Variants in FAM83B observed in about 807,000 individuals in gnomAD.
FAM83B encodes protein FAM83B.
Under a neutral mutation model 38.8 loss-of-function variants are expected in FAM83B, and 26 were observed. The ratio of observed to expected loss-of-function variants is 0.67; its 90% CI spans 0.49 to 0.93. The LOEUF (loss-of-function observed/expected upper bound fraction) is 0.93, where lower values mean the gene tolerates loss of function less well. Ranked by LOEUF, FAM83B falls within the 40% of genes least tolerant of loss-of-function variation. FAM83B has a pLI of 0.00. For missense variants in FAM83B, 1,237 were observed against 1,197.3 expected (o/e 1.03, Z -0.49); for synonymous variants, 419 against 423.1 (o/e 0.99, Z 0.12).
intron 1 of FAM83B, among the ~76,000 whole-genome samples, chr6:54,864,770 G>A (rs549926294): frequency 6.6e-6 from 1 of 152,166 alleles, no homozygotes; most frequent in East Asian, 1.9e-4. Flanking sequence ...GTGGACCATG[G>A]GTAATGATTT....
chr6:54,864,717 C>A (rs912504157), intron 1 of FAM83B, among the ~76,000 whole-genome samples: 1 of 152,112 alleles, frequency 6.6e-6, no homozygotes, highest in African/African-American at 2.4e-5. Flanking sequence ...GACAAACAAT[C>A]TTGACAGCTG....
At chr6:54,848,453 G>C (rs1358453833) in intron 1 of FAM83B, among the ~76,000 whole-genome samples, 1 of 152,204 alleles carries the variant, frequency 6.6e-6, no homozygotes, top group Admixed American at 6.5e-5. Flanking sequence ...GTTGCTGAAA[G>C]AGATTGTATA....
intron 2 of FAM83B, among the ~76,000 whole-genome samples, chr6:54,886,493 A>G (rs1772278374): frequency 6.6e-6 from 1 of 151,576 alleles, no homozygotes; most frequent in Admixed American, 6.6e-5. Context: ...TTTTTCTTGT[A>G]TTTGTTTTGT....
intron 2 of FAM83B, among the ~76,000 whole-genome samples, chr6:54,873,323 T>C (rs1387450259): frequency 6.6e-6 from 1 of 152,142 alleles, no homozygotes; most frequent in African/African-American, 2.4e-5. Context: ...AAGAATTAAG[T>C]AATCTGGGGA....
At chr6:54,923,979 T>TA (rs34538017) in intron 2 of FAM83B, among the ~76,000 whole-genome samples, 1,746 of 152,006 alleles carry the variant, frequency 0.011, 15 homozygotes, top group Middle Eastern at 0.024. Context: ...CTTGCACTAT[T>TA]AATTTTACTC....
At chr6:54,874,430 A>G (rs1771941465) in intron 2 of FAM83B, among the ~76,000 whole-genome samples, 1 of 152,120 alleles carries the variant, frequency 6.6e-6, no homozygotes, top group South Asian at 2.1e-4. Context: ...TGTGATTGAC[A>G]TAATTACATT....
chr6:54,871,555 C>CAATAATAAT lies in FAM83B; in HGVS notation c.444+898_444+906dup, dbSNP rs3064912. On this transcript the variant is annotated intron_variant, in intron 2 of 4. Coordinates refer to ENST00000306858, the MANE Select transcript of FAM83B (RefSeq NM_001010872.3). Reference sequence around the variant, plus strand: ...CCAACATAGCAAAACCTCGTCTCTACAATAATAATAATAATAATAATAATA... The same window carrying CAATAATAAT: ...CCAACATAGCAAAACCTCGTCTCTACAATAATAATAATAATAATAATAATAATAATAATA... 3.3e-3 allele frequency among the ~76,000 whole-genome samples: 419 copies of CAATAATAAT among 127,122 alleles called. 2 individuals are homozygous for CAATAATAAT. The highest frequency in any genetic ancestry group is 4.3e-3 in the Non-Finnish European group (261 of 61,376). 83.4% of individuals were successfully genotyped at this position (127,122 alleles called of 152,430 possible).
chr6:54,913,987 A>C (rs370962286), intron 2 of FAM83B, among the ~76,000 whole-genome samples: 1 of 152,090 alleles, frequency 6.6e-6, no homozygotes, highest in African/African-American at 2.4e-5. Context: ...TCACATATCC[A>C]GTCAGTGTTG....
At chr6:54,928,682 T>C (rs1170023646) in intron 4 of FAM83B, among the ~76,000 whole-genome samples, 1 of 152,214 alleles carries the variant, frequency 6.6e-6, no homozygotes, top group African/African-American at 2.4e-5. Context: ...AATATATTTG[T>C]CCAGACCCAC....
intron 2 of FAM83B, among the ~76,000 whole-genome samples, chr6:54,871,492 G>T (rs1771851206): frequency 6.6e-6 from 1 of 150,734 alleles, no homozygotes; most frequent in Non-Finnish European, 1.5e-5. Flanking sequence ...GCTGAAGCAG[G>T]CGAATCACTT....
upstream of FAM83B, among the ~76,000 whole-genome samples, chr6:54,846,422 C>A (rs555047061): frequency 6.6e-6 from 1 of 152,198 alleles, no homozygotes. Flanking sequence ...TCGCTGTCCT[C>A]CGGGATCGCT....
intron 1 of FAM83B, among the ~76,000 whole-genome samples, chr6:54,869,311 G>T (rs1198297458): frequency 6.6e-6 from 1 of 152,098 alleles, no homozygotes; most frequent in Non-Finnish European, 1.5e-5. Context: ...CACTCTCCTA[G>T]CTACCTGTCT....
rs548383963 is a variant in FAM83B at position 54,912,276 on chromosome 6, A to G, written c.445-14095A>G. On this transcript the variant is annotated intron_variant, in intron 2 of 4. Coordinates refer to ENST00000306858, the MANE Select transcript of FAM83B (RefSeq NM_001010872.3). ...GTTGTTTTAGCTTTTGATATAGGCA[A>G]TCTCAATTTCAATAAAATGTCAATT... Among the ~76,000 whole-genome samples, 12 of 152,054 alleles carry G rather than the reference A, an allele frequency of 7.9e-5. No individual in the cohort carries two copies. The East Asian group carries it at 2.3e-3, about 29-fold the overall frequency.
chr6:54,920,793 A>G (rs927301151), intron 2 of FAM83B, among the ~76,000 whole-genome samples: 3 of 151,962 alleles, frequency 2.0e-5, no homozygotes, highest in Non-Finnish European at 4.4e-5. Flanking sequence ...ATGCAATTGT[A>G]TGACTCAGTA....
chr6:54,878,987 C>T (rs764894940), intron 2 of FAM83B, among the ~76,000 whole-genome samples: 9 of 152,088 alleles, frequency 5.9e-5, no homozygotes, highest in African/African-American at 9.7e-5. Context: ...CAACATAAGA[C>T]GACTTCAACA....
chr6:54,894,936 A>G (rs1410495151), intron 2 of FAM83B, among the ~76,000 whole-genome samples: 1 of 152,200 alleles, frequency 6.6e-6, no homozygotes. Context: ...ATGATGCTAC[A>G]CATGCCTCAA....
At chr6:54,855,121 T>A (rs1771415198) in intron 1 of FAM83B, among the ~76,000 whole-genome samples, 1 of 152,178 alleles carries the variant, frequency 6.6e-6, no homozygotes, top group Non-Finnish European at 1.5e-5. Flanking sequence ...TTCAAATAAG[T>A]GTGCAAATAC....
intron 2 of FAM83B, among the ~76,000 whole-genome samples, chr6:54,884,934 G>A (rs1310958074): frequency 6.6e-6 from 1 of 151,856 alleles, no homozygotes; most frequent in Non-Finnish European, 1.5e-5. Context: ...CACCACGCCC[G>A]GCTAATTTTT....
At chr6:54,934,779 T>TCAATCA (rs1308893950) in intron 4 of FAM83B, among the ~76,000 whole-genome samples, 2 of 152,098 alleles carry the variant, frequency 1.3e-5, no homozygotes, top group African/African-American at 4.8e-5. Flanking sequence ...AACTGCTCTA[T>TCAATCA]ATGAGACTTT....
Sources: gnomAD v4.1 joint callset for allele counts (sites outside exome capture counted in the v4.1 genomes callset) on GRCh38, gnomAD v4.1.1 for gene constraint, MANE v1.5 for transcripts, NCBI Gene and HGNC (gene_info 2026-07-23, HGNC 2026-07-21) for gene names.